Variants in CLMN observed in about 807,000 individuals in gnomAD.
CLMN encodes calmin (calponin-like, transmembrane).
A neutral mutation model predicts 92.7 loss-of-function variants in CLMN; 57 were observed. The ratio of observed to expected loss-of-function variants is 0.61; its 90% CI spans 0.50 to 0.77. The LOEUF (loss-of-function observed/expected upper bound fraction) is 0.77. Ranked by LOEUF, CLMN falls within the 30% of genes least tolerant of loss-of-function variation. The pLI, the probability that CLMN is intolerant of heterozygous loss-of-function variation, is 0.00. For missense variants in CLMN, 1,158 were observed against 1,237.5 expected (o/e 0.94, Z 0.96); for synonymous variants, 466 against 470.6 (o/e 0.99, Z 0.13).
intron 1 of CLMN, among the ~76,000 whole-genome samples, chr14:95,235,311 G>A (rs1898016518): frequency 6.6e-6 from 1 of 152,212 alleles, no homozygotes; most frequent in South Asian, 2.1e-4. Flanking sequence ...CGGGGCCTGG[G>A]AATCTGCATT....
chr14:95,317,168 C>G (rs1339675714), intron 1 of CLMN, among the ~76,000 whole-genome samples: 1 of 151,002 alleles, frequency 6.6e-6, no homozygotes, highest in East Asian at 1.9e-4. Context: ...GGCAGATGCT[C>G]TAACTAAGCT....
intron 1 of CLMN, among the ~76,000 whole-genome samples, chr14:95,272,256 A>T (rs974477641): frequency 2.0e-5 from 3 of 152,142 alleles, no homozygotes; most frequent in Non-Finnish European, 4.4e-5. Flanking sequence ...GGAGCCTGCC[A>T]GGAGGGTGTG....
Position 95,193,922 on chromosome 14 carries a change from A to G in CLMN, c.2770-3T>C. ...AACTGAACATAGCTAAAATGATCCT[A>G]CAGTGAAATTTATAAACAAAAGCCC... is the stretch of plus-strand genomic sequence containing the variant. On this transcript the variant is annotated splice_region_variant and splice_polypyrimidine_tract_variant and intron_variant, in intron 11 of 12. Transcript: ENST00000298912. The G allele has an allele frequency of 6.2e-7, 1 of 1,613,056 alleles. No homozygotes were observed. Among genetic ancestry groups the G allele is most frequent in the Non-Finnish European group, 8.5e-7 (1 of 1,179,748 alleles).
Position 95,230,299 on chromosome 14 carries a change from A to G in CLMN, c.83-166T>C, listed in dbSNP as rs530424848. 8.3e-4 allele frequency among the ~76,000 whole-genome samples: 126 copies of G among 152,326 alleles called. 1 individual carries two copies. The South Asian group carries it at 0.015, about 18-fold the overall frequency. Reference sequence around the variant, plus strand: ...AGGGGTTGGCAACGCCTTACCTGGCACCCACAACCCATGCTCCCCAGCCCA... The same window carrying G: ...AGGGGTTGGCAACGCCTTACCTGGCGCCCACAACCCATGCTCCCCAGCCCA... On this transcript the variant is annotated intron_variant, in intron 1 of 12. Coordinates refer to ENST00000298912, the MANE Select transcript of CLMN (RefSeq NM_024734.4).
In CLMN at chr14:95,263,707, G is replaced by A. The variant is rs551280892; in HGVS notation, c.83-33574C>T. Among the ~76,000 whole-genome samples the A allele has an allele frequency of 5.3e-5, 8 of 152,376 alleles. No individual in the cohort carries two copies. The South Asian group carries it at 1.2e-3, about 24-fold the overall frequency. The stretch of plus-strand genomic sequence containing the variant: ...CAGAGCCTAGAGCAGCCAAAGAGAT[G>A]AGGTGGGGGTGGCTGGGAGAAGAAA... On this transcript the variant is annotated intron_variant, in intron 1 of 12. Coordinates refer to ENST00000298912, the MANE Select transcript of CLMN (RefSeq NM_024734.4).
rs1217626225 is a variant in CLMN at position 95,203,526 on chromosome 14, C to T, written c.1823G>A (p.Arg608Lys). 1 of 1,614,142 alleles carries T rather than the reference C, an allele frequency of 6.2e-7. No homozygotes were observed. The highest frequency in any genetic ancestry group is 8.5e-7 in the Non-Finnish European group (1 of 1,180,028). Reference protein sequence around the residue: ...FENHAEKLGKRSIKSAHKKKD... With the variant: ...FENHAEKLGKKSIKSAHKKKD... ...CTTTTTGTGAGCAGATTTAATACTC[C>T]TTTTACCTAGTTTTTCAGCATGATT... Residue 608 changes from arginine to lysine, a missense_variant, in exon 9 of 13, where the codon AGG (arginine) becomes AAG (lysine). Arg to Lys is a conservative substitution (Grantham distance 26, BLOSUM62 2). Coordinates refer to ENST00000298912, the MANE Select transcript of CLMN (RefSeq NM_024734.4).
At chr14:95,201,408 A>G (rs1001697307) in intron 9 of CLMN, among the ~76,000 whole-genome samples, 5 of 150,688 alleles carry the variant, frequency 3.3e-5, no homozygotes, top group Non-Finnish European at 5.9e-5. Flanking sequence ...GACCCCTTCT[A>G]TTTCCCACAC....
At chr14:95,293,522 C>G (rs1294878174) in intron 1 of CLMN, among the ~76,000 whole-genome samples, 1 of 151,956 alleles carries the variant, frequency 6.6e-6, no homozygotes, top group Non-Finnish European at 1.5e-5. Flanking sequence ...CCTAGGCAGT[C>G]TGTCAGCCTC....
At chr14:95,264,421 C>A (rs1158642386) in intron 1 of CLMN, among the ~76,000 whole-genome samples, 1 of 152,164 alleles carries the variant, frequency 6.6e-6, no homozygotes, top group Admixed American at 6.5e-5. Flanking sequence ...AGCAGCTGTA[C>A]AACCCTGGGT....
At chr14:95,253,127 C>G (rs567618088) in intron 1 of CLMN, among the ~76,000 whole-genome samples, 1 of 152,286 alleles carries the variant, frequency 6.6e-6, no homozygotes, top group African/African-American at 2.4e-5. Flanking sequence ...ATCTTCCCCT[C>G]CAAAAACCCT....
At chr14:95,206,882 A>G (rs1251690174) in intron 8 of CLMN, among the ~76,000 whole-genome samples, 7 of 152,246 alleles carry the variant, frequency 4.6e-5, no homozygotes, top group African/African-American at 1.2e-4. Flanking sequence ...GGGCTAATGA[A>G]AGCCCCAATG....
intron 1 of CLMN, among the ~76,000 whole-genome samples, chr14:95,277,537 T>C (rs1190050574): frequency 1.3e-5 from 2 of 150,454 alleles, no homozygotes; most frequent in African/African-American, 4.9e-5. Flanking sequence ...AGCTCAAAGT[T>C]GATTGCTCTA....
chr14:95,304,219 C>T (rs1251133101), intron 1 of CLMN, among the ~76,000 whole-genome samples: 1 of 152,014 alleles, frequency 6.6e-6, no homozygotes, highest in Non-Finnish European at 1.5e-5. Flanking sequence ...GCCTGTGGTC[C>T]CAGCTACTTG....
At chr14:95,279,930 G>C (rs1006678491) in intron 1 of CLMN, among the ~76,000 whole-genome samples, 1 of 151,456 alleles carries the variant, frequency 6.6e-6, no homozygotes, top group African/African-American at 2.4e-5. Context: ...AATGTAGAAT[G>C]TATTTTTGGT....
chr14:95,193,456 A>G (rs566885126), intron 12 of CLMN: 78 of 1,295,546 alleles, frequency 6.0e-5, no homozygotes, highest in Non-Finnish European at 7.1e-5. Context: ...CAGGGGCTAC[A>G]GCATTCACAG....
chr14:95,230,558 T>C (rs1897851980), intron 1 of CLMN, among the ~76,000 whole-genome samples: 1 of 151,972 alleles, frequency 6.6e-6, no homozygotes, highest in Non-Finnish European at 1.5e-5. Context: ...GAGCCGATAA[T>C]TAGGAATTGG....
chr14:95,317,383 G>A (rs553312851), intron 1 of CLMN, among the ~76,000 whole-genome samples: 9 of 152,104 alleles, frequency 5.9e-5, no homozygotes, highest in African/African-American at 1.7e-4. Context: ...AAAGCACAAC[G>A]CCCGACACGG....
chr14:95,287,754 A>G (rs977330382), intron 1 of CLMN, among the ~76,000 whole-genome samples: 1 of 152,162 alleles, frequency 6.6e-6, no homozygotes, highest in Admixed American at 6.5e-5. Flanking sequence ...ATGCCCTGGG[A>G]TTCTGGGTCT....
chr14:95,240,387 GGT>G (rs1898204225), intron 1 of CLMN, among the ~76,000 whole-genome samples: 1 of 152,086 alleles, frequency 6.6e-6, no homozygotes, highest in African/African-American at 2.4e-5. Context: ...GTGGGTTCCA[GGT>G]ATACCACTTC....
Sources: allele counts gnomAD v4.1 joint callset (sites outside exome capture counted in the v4.1 genomes callset), GRCh38; gene constraint gnomAD v4.1.1; transcripts MANE v1.5; gene names NCBI Gene and HGNC (gene_info 2026-07-23, HGNC 2026-07-21).